DLG3: variants seen among roughly 807,000 people sequenced by gnomAD.
The protein encoded by DLG3 is discs large MAGUK scaffold protein 3.
A neutral mutation model predicts 64.1 loss-of-function variants in DLG3; 1 was observed. That is an observed-to-expected ratio of 0.02 (90% confidence interval 0.01 to 0.07). DLG3 has a LOEUF of 0.07. Among genes scored for constraint, DLG3 ranks in the 10% least tolerant of loss-of-function variants. The probability of loss-of-function intolerance (pLI) is 1.00; values close to 1 mark genes in which losing one functional copy is unlikely to be tolerated. For synonymous variants in DLG3, 245 were observed against 259.8 expected (o/e 0.94, Z 0.55); for missense variants, 429 against 669.5 (o/e 0.64, Z 3.96).
chrX:70,455,033 G>C, intron 9 of DLG3: 6 of 754,071 alleles, frequency 8.0e-6, no homozygotes, highest in Non-Finnish European at 9.4e-6. Context: ...GGCTGAGGGC[G>C]GCCTCCAGCC....
intron 1 of DLG3, 29 bp downstream of exon 1, chrX:70,445,587 G>C (rs757213162): frequency 5.2e-6 from 6 of 1,151,658 alleles, no homozygotes; most frequent in Non-Finnish European, 5.8e-6. Flanking sequence ...GGGAGCGGTG[G>C]GGCAACCCAG....
In DLG3 at chrX:70,453,703, G is replaced by T; in HGVS notation, c.1212G>T (p.Glu404Asp). 8.3e-7 allele frequency: 1 copy of T among 1,208,338 alleles called. No individual in the cohort carries two copies. Among genetic ancestry groups the T allele is most frequent in the South Asian group, 1.8e-5 (1 of 56,043 alleles). ...TGLGFNIVGG[E>D]DGEGIFVSFI... Reference sequence around the variant, plus strand: ...TGGGCTTCAACATCGTAGGAGGAGAGGATGGAGAAGGCATTTTTGTCTCCT... The same window carrying T: ...TGGGCTTCAACATCGTAGGAGGAGATGATGGAGAAGGCATTTTTGTCTCCT... Residue 404 changes from glutamate (E) to aspartate (D), a missense_variant, in exon 8 of 19, where the codon GAG (glutamate) becomes GAT (aspartate). Glu to Asp is a conservative substitution (Grantham distance 45). Coordinates refer to ENST00000374360, the MANE Select transcript of DLG3 (RefSeq NM_021120.4).
chrX:70,462,391 A>C lies in DLG3; in HGVS notation c.1405+8075A>C, dbSNP rs769474291. On this transcript the variant is annotated intron_variant, in intron 9 of 18. Coordinates refer to ENST00000374360, the MANE Select transcript of DLG3 (RefSeq NM_021120.4). ...CAGCCTCCTGAGTAGCTGGGACTAC[A>C]GATGTGCACCACCATGCCCAGCTAT... 2.4e-3 allele frequency among the ~76,000 whole-genome samples: 262 copies of C among 107,292 alleles called. 3 individuals are homozygous for C. Among genetic ancestry groups the C allele is most frequent in the African/African-American group, 8.4e-3 (248 of 29,476 alleles). The allele number at this position is 107,292 out of a possible 115,157, so 93.2% of individuals were successfully genotyped here. A position where few individuals can be genotyped will look rare whatever the true frequency, so the allele number is the denominator to read the frequency against.
At chrX:70,464,826 C>T (rs1177487628) in intron 9 of DLG3, among the ~76,000 whole-genome samples, 1 of 110,882 alleles carries the variant, frequency 9.0e-6, no homozygotes, top group Non-Finnish European at 1.9e-5. Flanking sequence ...CGTGGTGGTA[C>T]ACCCCTGTAA....
intron 3 of DLG3, 95 bp downstream of exon 3, chrX:70,449,578 C>A: frequency 5.4e-6 from 2 of 371,643 alleles, no homozygotes; most frequent in Non-Finnish European, 8.7e-6. Flanking sequence ...TCCATTAGAT[C>A]TGAGGGCGGG....
At chrX:70,467,563 C>A (rs375058273) in intron 9 of DLG3, among the ~76,000 whole-genome samples, 82 of 112,066 alleles carry the variant, frequency 7.3e-4, no homozygotes, top group African/African-American at 2.4e-3. Flanking sequence ...AGTTTGTGAT[C>A]CTGTGGGTGT....
chrX:70,497,453 A>G (rs1319216914), intron 13 of DLG3, among the ~76,000 whole-genome samples: 1 of 112,759 alleles, frequency 8.9e-6, no homozygotes, highest in Non-Finnish European at 1.9e-5. Context: ...GACCTGACTT[A>G]AAAGCATCCC....
chrX:70,454,536 G>A (rs1380193924), intron 9 of DLG3, among the ~76,000 whole-genome samples: 2 of 111,872 alleles, frequency 1.8e-5, no homozygotes, highest in Non-Finnish European at 3.8e-5. Flanking sequence ...GTGGGCTGCA[G>A]TGCAGGAGAA....
chrX:70,462,144 T>C (rs1431408779), intron 9 of DLG3, among the ~76,000 whole-genome samples: 5 of 105,209 alleles, frequency 4.8e-5, no homozygotes, highest in African/African-American at 1.7e-4. Flanking sequence ...TCATGCAGTA[T>C]GTGGCCTTTT....
At position 70,504,675 on chromosome X, in the gene DLG3, C is replaced by T. The variant is rs2087623232; in HGVS notation, c.*2406C>T. The stretch of plus-strand genomic sequence containing the variant: ...AAGAGGTACACAAGGTGGGAGAGGC[C>T]TGCTGTAGCAGAGGTGTGTGTTAGA... On this transcript the variant is annotated 3_prime_UTR_variant, in exon 19 of 19. Transcript: ENST00000374360. The T allele has an allele frequency of 8.9e-6, 1 of 112,221 alleles. No homozygotes were observed. Among genetic ancestry groups the T allele is most frequent in the Non-Finnish European group, 1.9e-5 (1 of 53,239 alleles). 9.2% of individuals were successfully genotyped at this position (112,221 alleles called of 1,213,427 possible).
In DLG3 at chrX:70,445,610, G is replaced by A. The variant is rs1321438251; in HGVS notation, c.357+52G>A. The A allele has an allele frequency of 1.1e-5, 12 of 1,103,642 alleles. No individual in the cohort carries two copies. In the East Asian group the frequency reaches 3.6e-4, roughly 33 times the overall value. 91.0% of individuals were successfully genotyped at this position (1,103,642 alleles called of 1,213,427 possible). Reference sequence around the variant, plus strand: ...TGGGGCAACCCAGGAGGGCTGGAGAGTGGGGGCCTAGAGGCCTGGGATGCA... The same window carrying A: ...TGGGGCAACCCAGGAGGGCTGGAGAATGGGGGCCTAGAGGCCTGGGATGCA... On this transcript the variant is annotated intron_variant, in intron 1 of 18. Transcript: ENST00000374360.
intron 2 of DLG3, among the ~76,000 whole-genome samples, 168 bp from the exon 3 acceptor site, chrX:70,449,191 C>T (rs2086594561): frequency 9.0e-6 from 1 of 111,426 alleles, no homozygotes; most frequent in Non-Finnish European, 1.9e-5. Flanking sequence ...GATGGGTTTC[C>T]CAAAATGATC....
chrX:70,481,756 G>C (rs754493386), intron 10 of DLG3, among the ~76,000 whole-genome samples: 14 of 111,843 alleles, frequency 1.3e-4, no homozygotes, highest in Non-Finnish European at 1.7e-4. Flanking sequence ...TGGTTCACTG[G>C]TTCTCTGACA....
Position 70,500,539 on chromosome X carries a change from C to T in DLG3, c.2214C>T (p.Pro738=). The change falls in exon 17 of 19, where the codon CCC becomes CCT. Residue 738 remains proline (P), a synonymous_variant. Transcript: ENST00000374360. The part of the protein sequence containing the change: ...IKRLQQAQLY[P]IAIFIKPKSI... ...GACTGCAGCAAGCACAACTTTACCC[C>T]ATTGCCATTTTCATCAAGCCCAAGT... 8.3e-7 allele frequency: 1 copy of T among 1,210,665 alleles called. No homozygotes were observed. Among genetic ancestry groups the T allele is most frequent in the Non-Finnish European group, 1.1e-6 (1 of 894,545 alleles).
chrX:70,472,144 T>G (rs1325631036), intron 9 of DLG3, among the ~76,000 whole-genome samples: 1 of 112,269 alleles, frequency 8.9e-6, no homozygotes, highest in Non-Finnish European at 1.9e-5. Context: ...TCCAACTCTT[T>G]GACCTTCTTT....
intron 1 of DLG3, among the ~76,000 whole-genome samples, chrX:70,446,576 A>T (rs2086570939): frequency 8.9e-6 from 1 of 112,654 alleles, no homozygotes; most frequent in Non-Finnish European, 1.9e-5. Flanking sequence ...TCCAGATGTG[A>T]GAGGGCTTAG....
chrX:70,452,115 A>T (rs918641513), intron 7 of DLG3, 89 bp downstream of exon 7: 7 of 1,131,679 alleles, frequency 6.2e-6, no homozygotes, highest in African/African-American at 1.8e-5. Context: ...GGCTCCTTGT[A>T]GTATGGCAAA....
intron 10 of DLG3, among the ~76,000 whole-genome samples, chrX:70,487,334 C>T (rs2087271104): frequency 8.9e-6 from 1 of 112,029 alleles, no homozygotes; most frequent in Non-Finnish European, 1.9e-5. Flanking sequence ...TGAAAATAAC[C>T]CTGTGCTTCT....
At position 70,502,277 on chromosome X, in the gene DLG3, C is replaced by T; in HGVS notation, c.*8C>T. Reference sequence around the variant, plus strand: ...TCCCCTGAAAAACTCTGAAGAATCCCCTCCAACCATTCTCTTGTGAACAGA... The same window carrying T: ...TCCCCTGAAAAACTCTGAAGAATCCTCTCCAACCATTCTCTTGTGAACAGA... On this transcript the variant is annotated 3_prime_UTR_variant, in exon 19 of 19. Transcript: ENST00000374360. 8.8e-7 allele frequency: 1 copy of T among 1,134,029 alleles called. No individual in the cohort carries two copies. Among genetic ancestry groups the T allele is most frequent in the Non-Finnish European group, 1.2e-6 (1 of 826,370 alleles). The allele number at this position is 1,134,029 out of a possible 1,213,427, so 93.5% of individuals were successfully genotyped here.
Sources: allele counts gnomAD v4.1 joint callset (sites outside exome capture counted in the v4.1 genomes callset), GRCh38; gene constraint gnomAD v4.1.1; transcripts MANE v1.5; gene names NCBI Gene and HGNC (gene_info 2026-07-23, HGNC 2026-07-21).